AKAP13: variants seen among roughly 807,000 people sequenced by gnomAD.
The protein encoded by AKAP13 is A-kinase anchor protein 13.
Under a neutral mutation model 264.5 loss-of-function variants are expected in AKAP13, and 80 were observed. The ratio of observed to expected loss-of-function variants is 0.30; its 90% CI spans 0.25 to 0.36. AKAP13 has a LOEUF of 0.36. Ranked by LOEUF, AKAP13 falls within the 10% of genes least tolerant of loss-of-function variation. The pLI is 1.00. For synonymous variants in AKAP13, 1,380 were observed against 1,250.2 expected, an observed-to-expected ratio of 1.10 and a Z score of -2.19; for missense variants, 3,712 against 3,435.2, an observed-to-expected ratio of 1.08 and a Z score of -2.01.
chr15:85,726,898 T>C (rs1026030467), intron 27 of AKAP13, 168 bp from the exon 28 acceptor site: 6 of 719,168 alleles, frequency 8.3e-6, no homozygotes, highest in Non-Finnish European at 1.4e-5. Context: ...CTTTTTTTGT[T>C]AAAATCTGAA....
At chr15:85,631,952 G>A (rs867918392) in intron 8 of AKAP13, among the ~76,000 whole-genome samples, 5 of 152,124 alleles carry the variant, frequency 3.3e-5, no homozygotes, top group Admixed American at 1.3e-4. Context: ...CTTTGTGGTC[G>A]TTCAGACATA....
At chr15:85,690,132 A>T in intron 16 of AKAP13, 1 of 152,366 alleles carries the variant, frequency 6.6e-6, no homozygotes, top group East Asian at 1.9e-4. Context: ...TTAAAGCACT[A>T]AATTCTAGTA....
chr15:85,558,894 T>C (rs564001191), intron 5 of AKAP13, among the ~76,000 whole-genome samples: 18 of 152,090 alleles, frequency 1.2e-4, no homozygotes, highest in Admixed American at 7.9e-4. Flanking sequence ...AAGAAACTTT[T>C]TGACATTTTA....
chr15:85,579,961 A>G lies in AKAP13; in HGVS notation c.1893A>G (p.Pro631=). ...TTGGGCTGGAAGAAGATGTAATGCC[A>G]CACCAGAACTCAGAAACAAATTCAT... ...ALLGLEEDVM[P]HQNSETNSSH... is the part of the protein sequence containing the mutation. Residue 631 remains proline, a synonymous_variant, in exon 7 of 37, where the codon CCA becomes CCG. Transcript: ENST00000394518. The G allele has an allele frequency of 1.2e-6, 2 of 1,614,208 alleles. No homozygotes were observed. Among genetic ancestry groups the G allele is most frequent in the East Asian group, 4.5e-5 (2 of 44,894 alleles).
At chr15:85,466,737 T>C (rs905504766) in intron 1 of AKAP13, among the ~76,000 whole-genome samples, 1 of 152,230 alleles carries the variant, frequency 6.6e-6, no homozygotes, top group Non-Finnish European at 1.5e-5. Context: ...GTGACAGTGA[T>C]GACTTGAATA....
chr15:85,415,706 A>G (rs557361148), intron 1 of AKAP13: 2 of 767,402 alleles, frequency 2.6e-6, no homozygotes, highest in Non-Finnish European at 2.1e-6. Context: ...GCAAATCTCC[A>G]TACCGTTTCT....
chr15:85,636,615 ATT>A (rs34550876), intron 8 of AKAP13, among the ~76,000 whole-genome samples: 2 of 148,426 alleles, frequency 1.3e-5, no homozygotes, highest in Non-Finnish European at 3.0e-5. Flanking sequence ...AATTTTGCTG[ATT>A]TTTTTTTTTT....
chr15:85,567,547 A>G (rs1356340895), intron 5 of AKAP13, among the ~76,000 whole-genome samples: 1 of 152,212 alleles, frequency 6.6e-6, no homozygotes, highest in Non-Finnish European at 1.5e-5. Flanking sequence ...AGCTGTGTGC[A>G]TGTGCTTTTG....
At chr15:85,611,511 G>A (rs949201511) in intron 8 of AKAP13, among the ~76,000 whole-genome samples, 4 of 150,962 alleles carry the variant, frequency 2.6e-5, no homozygotes, top group Non-Finnish European at 2.9e-5. Context: ...TTGGACTCTC[G>A]GTTTCTTTTC....
Position 85,717,371 on chromosome 15 carries a change from C to T in AKAP13, c.5817C>T (p.Val1939=), listed in dbSNP as rs1031724188. 6 of 1,613,100 alleles carry T rather than the reference C, an allele frequency of 3.7e-6. No homozygotes were observed. The highest frequency in any genetic ancestry group is 1.3e-5 in the African/African-American group (1 of 74,858). The change falls in exon 21 of 37, where the codon GTC becomes GTT. Residue 1939 remains valine (V), a synonymous_variant. Coordinates refer to ENST00000394518, the MANE Select transcript of AKAP13 (RefSeq NM_007200.5). The part of the protein sequence containing the change: ...STDSLNKISK[V]NESTESLTDE... Reference sequence around the variant, plus strand: ...ACTCACTAAATAAAATCAGCAAGGTCAATGAGTCAACAGAATCACTTACTG... The same window carrying T: ...ACTCACTAAATAAAATCAGCAAGGTTAATGAGTCAACAGAATCACTTACTG...
At chr15:85,560,548 A>G (rs989336840) in intron 5 of AKAP13, among the ~76,000 whole-genome samples, 1 of 152,212 alleles carries the variant, frequency 6.6e-6, no homozygotes. Context: ...CCCATATTGT[A>G]TGGAATTTTT....
intron 12 of AKAP13, chr15:85,662,443 A>T: frequency 1.2e-6 from 2 of 1,614,138 alleles, no homozygotes; most frequent in Non-Finnish European, 1.7e-6. Flanking sequence ...TGCTGACTTT[A>T]ATTACAGAAG....
intron 5 of AKAP13, among the ~76,000 whole-genome samples, chr15:85,571,149 G>C (rs2078805070): frequency 6.6e-6 from 1 of 152,160 alleles, no homozygotes; most frequent in Non-Finnish European, 1.5e-5. Context: ...TTACTGAGCA[G>C]CAATGAGGCC....
At chr15:85,610,134 A>T (rs1045690521) in intron 8 of AKAP13, among the ~76,000 whole-genome samples, 1 of 152,216 alleles carries the variant, frequency 6.6e-6, no homozygotes, top group Non-Finnish European at 1.5e-5. Flanking sequence ...GTTTGCTACT[A>T]ATTGACCGTG....
intron 5 of AKAP13, among the ~76,000 whole-genome samples, chr15:85,564,830 T>C (rs570888573): frequency 6.6e-6 from 1 of 152,282 alleles, no homozygotes; most frequent in East Asian, 1.9e-4. Flanking sequence ...GTCAAGAGAT[T>C]GTGCTGAGTG....
rs773632037 is a variant in AKAP13 at position 85,438,253 on chromosome 15, C to T, written c.-11-47457C>T. 4.1e-3 allele frequency among the ~76,000 whole-genome samples: 545 copies of T among 133,146 alleles called. 22 individuals carry two copies. Among genetic ancestry groups the T allele is most frequent in the Admixed American group, 8.3e-3 (101 of 12,208 alleles). The allele number at this position is 133,146 out of a possible 152,430, so 87.3% of individuals were successfully genotyped here. A position where few individuals can be genotyped will look rare whatever the true frequency, so the allele number is the denominator to read the frequency against. The stretch of plus-strand genomic sequence containing the variant: ...GAGAATAAAATACCTAGGAATCCAA[C>T]TTAAAAGGGATGTGAAGGACCTCTT... On this transcript the variant is annotated intron_variant, in intron 1 of 36. Transcript: ENST00000394518.
chr15:85,541,330 G>A (rs756574413), intron 4 of AKAP13, among the ~76,000 whole-genome samples: 8 of 152,274 alleles, frequency 5.3e-5, no homozygotes, highest in South Asian at 4.2e-4. Flanking sequence ...AGGAAGAATC[G>A]TTGGATATAT....
At chr15:85,733,881 T>C (rs1356744706) in intron 30 of AKAP13, among the ~76,000 whole-genome samples, 2 of 144,072 alleles carry the variant, frequency 1.4e-5, no homozygotes, top group Non-Finnish European at 3.1e-5. Context: ...TTCTTTTTTT[T>C]TTTTTTTTTT....
intron 3 of AKAP13, among the ~76,000 whole-genome samples, chr15:85,531,537 T>C (rs2077241813): frequency 1.3e-5 from 2 of 152,252 alleles, no homozygotes; most frequent in Admixed American, 1.3e-4. Flanking sequence ...TCATTTGGCT[T>C]GTTTCTGCTA....
Sources: gnomAD v4.1 joint callset for allele counts (sites outside exome capture counted in the v4.1 genomes callset) on GRCh38, gnomAD v4.1.1 for gene constraint, MANE v1.5 for transcripts, NCBI Gene and HGNC (gene_info 2026-07-23, HGNC 2026-07-21) for gene names.